Variants in EDEM1 observed in about 807,000 individuals in gnomAD.
EDEM1 encodes the protein ER degradation enhancing alpha-mannosidase like protein 1, also known as ER degradation-enhancing alpha-mannosidase-like protein 1.
Under a neutral mutation model 74.4 loss-of-function variants are expected in EDEM1, and 67 were observed. The ratio of observed to expected loss-of-function variants is 0.90; its 90% CI spans 0.74 to 1.10. The LOEUF (loss-of-function observed/expected upper bound fraction) is 1.10. Among genes scored for constraint, EDEM1 ranks in the 50% least tolerant of loss-of-function variants. EDEM1 has a pLI of 0.00. For missense variants in EDEM1, 926 were observed against 851.6 expected (o/e 1.09, Z -1.09); for synonymous variants, 382 against 335.9 (o/e 1.14, Z -1.50).
At chr3:5,207,621 C>G (rs1455483595) in intron 7 of EDEM1, among the ~76,000 whole-genome samples, 1 of 152,190 alleles carries the variant, frequency 6.6e-6, no homozygotes, top group African/African-American at 2.4e-5. Flanking sequence ...ATTCTCCTGC[C>G]TCAGCCTCCA....
chr3:5,215,343 G>T (rs1285532340), intron 11 of EDEM1, among the ~76,000 whole-genome samples: 1 of 146,422 alleles, frequency 6.8e-6, no homozygotes, highest in South Asian at 2.1e-4. Context: ...TTAGAGTTTA[G>T]TGAGTTGTGA....
Position 5,213,312 on chromosome 3 carries a change from C to G in EDEM1, c.1681-7C>G. The G allele has an allele frequency of 1.2e-6, 2 of 1,611,048 alleles. No individual in the cohort carries two copies. Among genetic ancestry groups the G allele is most frequent in the South Asian group, 1.1e-5 (1 of 90,408 alleles). ...ATTGGTTGTATCTTTTTCTCCGTTC[C>G]CTCTAGCTGTTTGATGAAGACAATC... On this transcript the variant is annotated splice_region_variant and splice_polypyrimidine_tract_variant and intron_variant, in intron 10 of 11. Coordinates refer to ENST00000256497, the MANE Select transcript of EDEM1 (RefSeq NM_014674.3).
chr3:5,213,294 G>T (rs772166472), intron 10 of EDEM1, 25 bp from the exon 11 acceptor site: 1 of 1,602,404 alleles, frequency 6.2e-7, no homozygotes, highest in African/African-American at 1.3e-5. Context: ...ATTATTGGTT[G>T]TATCTTTTTC....
chr3:5,203,964 G>A (rs992190480), intron 5 of EDEM1, among the ~76,000 whole-genome samples: 18 of 152,034 alleles, frequency 1.2e-4, no homozygotes, highest in Non-Finnish European at 1.9e-4. Flanking sequence ...ACTCCTGAGC[G>A]CAAGCAATTC....
chr3:5,202,946 T>G lies in EDEM1; in HGVS notation c.859-20T>G. ...GATTCCTTGAGTTTTGTCACAGTCT[T>G]TGTCTGTTCCCATCCCCAGGTGAAT... On this transcript the variant is annotated intron_variant, in intron 4 of 11. Coordinates refer to ENST00000256497, the MANE Select transcript of EDEM1 (RefSeq NM_014674.3). 6.2e-7 allele frequency: 1 copy of G among 1,610,772 alleles called. No homozygotes were observed. The highest frequency in any genetic ancestry group is 1.1e-5 in the South Asian group (1 of 90,810).
rs1311766614 is a variant in EDEM1 at position 5,219,230 on chromosome 3, A to G, written c.*3312A>G. The G allele has an allele frequency of 2.0e-5, 3 of 152,218 alleles. No homozygotes were observed. The highest frequency in any genetic ancestry group is 6.5e-5 in the Admixed American group (1 of 15,274). The allele number at this position is 152,218 out of a possible 1,614,324, so 9.4% of individuals were successfully genotyped here. A position where few individuals can be genotyped will look rare whatever the true frequency, so the allele number is the denominator to read the frequency against. ...TCCTTTCTGCTTTCTGGAGGGCACC[A>G]GGGGCCTTTCTCTTTGATAAATTTT... On this transcript the variant is annotated 3_prime_UTR_variant, in exon 12 of 12. Transcript: ENST00000256497.
Position 5,206,220 on chromosome 3 carries a change from T to C in EDEM1, c.1218-933T>C, listed in dbSNP as rs570063834. Among the ~76,000 whole-genome samples the C allele has an allele frequency of 1.4e-3, 208 of 151,876 alleles. 1 individual carries two copies. Among genetic ancestry groups the C allele is most frequent in the African/African-American group, 4.9e-3 (203 of 41,392 alleles). On this transcript the variant is annotated intron_variant, in intron 6 of 11. Coordinates refer to ENST00000256497, the MANE Select transcript of EDEM1 (RefSeq NM_014674.3). ...CTTTCCCAGATCTTTCTTTTTTTTTTTTTTTGAGTCAGAGTCTTGCTCTGT... is the reference window on the plus strand; with the variant it reads ...CTTTCCCAGATCTTTCTTTTTTTTTCTTTTTGAGTCAGAGTCTTGCTCTGT...
intron 1 of EDEM1, among the ~76,000 whole-genome samples, chr3:5,191,103 T>C (rs1307814841): frequency 1.3e-5 from 2 of 152,234 alleles, no homozygotes; most frequent in East Asian, 1.9e-4. Flanking sequence ...CCTCCTGTTA[T>C]GCTATCGAAT....
chr3:5,205,665 G>A (rs1436736557), intron 6 of EDEM1, among the ~76,000 whole-genome samples: 3 of 152,246 alleles, frequency 2.0e-5, no homozygotes, highest in Admixed American at 2.0e-4. Context: ...TGGCTGGAGG[G>A]CTCAGTTCTT....
chr3:5,199,559 T>A (rs1222946557), intron 2 of EDEM1, 33 bp from the exon 3 acceptor site: 1 of 1,507,946 alleles, frequency 6.6e-7, no homozygotes, highest in South Asian at 1.1e-5. Context: ...TCATTTCAAG[T>A]TGCTGTAATG....
Position 5,216,449 on chromosome 3 carries a change from G to A in EDEM1, c.*531G>A, listed in dbSNP as rs2055238140. 6.6e-6 allele frequency: 1 copy of A among 152,146 alleles called. No individual in the cohort carries two copies. The highest frequency in any genetic ancestry group is 2.1e-4 in the South Asian group (1 of 4,822). 9.4% of individuals were successfully genotyped at this position (152,146 alleles called of 1,614,324 possible). ...TACCTGGCTAGCTACTTCTTTGTTA[G>A]AGGATTGAGAATGAAATTTCTGCAA... is the stretch of plus-strand genomic sequence containing the variant. On this transcript the variant is annotated 3_prime_UTR_variant, in exon 12 of 12. Transcript: ENST00000256497.
In EDEM1 at chr3:5,216,236, C is replaced by T. The variant is rs1192774728; in HGVS notation, c.*318C>T. The T allele has an allele frequency of 3.4e-6, 1 of 289,996 alleles. No individual in the cohort carries two copies. The highest frequency in any genetic ancestry group is 6.3e-6 in the Non-Finnish European group (1 of 158,426). 18.0% of individuals were successfully genotyped at this position (289,996 alleles called of 1,614,324 possible). ...TGTTCACAGCTTTATACTTCAGAAC[C>T]TAAGTCTCTTCACTTTGCTGGCACC... On this transcript the variant is annotated 3_prime_UTR_variant, in exon 12 of 12. Coordinates refer to ENST00000256497, the MANE Select transcript of EDEM1 (RefSeq NM_014674.3).
intron 1 of EDEM1, among the ~76,000 whole-genome samples, chr3:5,193,113 C>G (rs2054921136): frequency 6.6e-6 from 1 of 152,108 alleles, no homozygotes; most frequent in African/African-American, 2.4e-5. Context: ...ATGACACATG[C>G]CGCAGATCTG....
Position 5,218,359 on chromosome 3 carries a change from T to TG in EDEM1, c.*2441_*2442insG, listed in dbSNP as rs916235421. 6.6e-6 allele frequency: 1 copy of TG among 151,974 alleles called. No homozygotes were observed. Among genetic ancestry groups the TG allele is most frequent in the Non-Finnish European group, 1.5e-5 (1 of 68,022 alleles). The allele number at this position is 151,974 out of a possible 1,614,324, so 9.4% of individuals were successfully genotyped here. On this transcript the variant is annotated 3_prime_UTR_variant, in exon 12 of 12. Coordinates refer to ENST00000256497, the MANE Select transcript of EDEM1 (RefSeq NM_014674.3). ...CCAGTTTCAAAGGTTACTTGTTTTT[T>TG]TTTTTTTTTTTTAAAGTCAGAATGT...
intron 3 of EDEM1, among the ~76,000 whole-genome samples, chr3:5,200,106 AT>A (rs1486646341): frequency 6.6e-6 from 1 of 151,952 alleles, no homozygotes; most frequent in Non-Finnish European, 1.5e-5. Flanking sequence ...TAAGTTTTGT[AT>A]TTTCAGTAGA....
intron 2 of EDEM1, among the ~76,000 whole-genome samples, chr3:5,197,615 T>G (rs562228995): frequency 6.6e-6 from 1 of 152,346 alleles, no homozygotes; most frequent in African/African-American, 2.4e-5. Context: ...TGGTTTTCAT[T>G]GTAGAATATC....
At chr3:5,202,085 TAA>T (rs373843988) in intron 4 of EDEM1, among the ~76,000 whole-genome samples, 161 bp downstream of exon 4, 1 of 152,270 alleles carries the variant, frequency 6.6e-6, no homozygotes, top group Non-Finnish European at 1.5e-5. Context: ...GTAAATATTT[TAA>T]AATTCATTCA....
In EDEM1 at chr3:5,218,321, A is replaced by G. The variant is rs1383290663; in HGVS notation, c.*2403A>G. The G allele has an allele frequency of 6.6e-6, 1 of 151,344 alleles. No individual in the cohort carries two copies. The highest frequency in any genetic ancestry group is 1.5e-5 in the Non-Finnish European group (1 of 67,966). The allele number at this position is 151,344 out of a possible 1,614,324, so 9.4% of individuals were successfully genotyped here. A position where few individuals can be genotyped will look rare whatever the true frequency, so the allele number is the denominator to read the frequency against. On this transcript the variant is annotated 3_prime_UTR_variant, in exon 12 of 12. Transcript: ENST00000256497. ...AGTGGTTTGTGGGGCTGGATGCCAG[A>G]AGGTTCTTTGAGCCAGTTTCAAAGG... is the stretch of plus-strand genomic sequence containing the variant.
chr3:5,212,635 A>G (rs2055180938), intron 10 of EDEM1, among the ~76,000 whole-genome samples: 1 of 152,254 alleles, frequency 6.6e-6, no homozygotes. Context: ...TAGGTGACCA[A>G]TAAAGTTTCA....
Sources: gnomAD v4.1 joint callset for allele counts (sites outside exome capture counted in the v4.1 genomes callset) on GRCh38, gnomAD v4.1.1 for gene constraint, MANE v1.5 for transcripts, NCBI Gene and HGNC (gene_info 2026-07-23, HGNC 2026-07-21) for gene names.